LAMA3: variants seen among roughly 807,000 people sequenced by gnomAD.
LAMA3 encodes the protein laminin subunit alpha-3.
A neutral mutation model predicts 402.0 loss-of-function variants in LAMA3; 281 were observed. The ratio of observed to expected loss-of-function variants is 0.70; its 90% CI spans 0.63 to 0.77. LAMA3 has a LOEUF of 0.77. Ranked by LOEUF, LAMA3 falls within the 30% of genes least tolerant of loss-of-function variation. The pLI, the probability that LAMA3 is intolerant of heterozygous loss-of-function variation, is 0.00. For synonymous variants in LAMA3, 1,431 were observed against 1,558.4 expected, an observed-to-expected ratio of 0.92 and a Z score of 1.93; for missense variants, 3,840 against 4,215.5, an observed-to-expected ratio of 0.91 and a Z score of 2.47.
intron 2 of LAMA3, among the ~76,000 whole-genome samples, chr18:23,719,191 T>A (rs573234002): frequency 6.6e-6 from 1 of 152,278 alleles, no homozygotes; most frequent in South Asian, 2.1e-4. Context: ...GGGCCCAAAC[T>A]AAGACAGAAG....
At chr18:23,714,800 C>T (rs2061065294) in intron 2 of LAMA3, among the ~76,000 whole-genome samples, 1 of 152,140 alleles carries the variant, frequency 6.6e-6, no homozygotes, top group Non-Finnish European at 1.5e-5. Flanking sequence ...AAAACTGAAA[C>T]TCTGTTCCCA....
intron 23 of LAMA3, among the ~76,000 whole-genome samples, chr18:23,827,845 G>A (rs2063415198): frequency 6.6e-6 from 1 of 152,106 alleles, no homozygotes; most frequent in Non-Finnish European, 1.5e-5. Flanking sequence ...ACCCTAAAAG[G>A]ATACCACACT....
At chr18:23,884,508 T>C (rs2065007299) in intron 40 of LAMA3, among the ~76,000 whole-genome samples, 1 of 152,224 alleles carries the variant, frequency 6.6e-6, no homozygotes, top group Non-Finnish European at 1.5e-5. Flanking sequence ...TACTCTGCTC[T>C]GTCTTAAGGG....
intron 67 of LAMA3, among the ~76,000 whole-genome samples, chr18:23,938,083 T>C (rs1004603119): frequency 1.3e-5 from 2 of 152,266 alleles, no homozygotes. Flanking sequence ...GGCTCCATCC[T>C]GGGTGCTTCT....
intron 8 of LAMA3, among the ~76,000 whole-genome samples, 172 bp downstream of exon 8, chr18:23,763,695 T>C (rs1183204500): frequency 1.3e-5 from 2 of 152,176 alleles, no homozygotes; most frequent in African/African-American, 4.8e-5. Context: ...AATTTAGGGA[T>C]TGTAAGGAAA....
chr18:23,723,832 C>T (rs975091915), intron 2 of LAMA3, among the ~76,000 whole-genome samples: 3 of 152,174 alleles, frequency 2.0e-5, no homozygotes, highest in East Asian at 3.9e-4. Flanking sequence ...TAGTGCCTTA[C>T]ATGCTGTAAG....
At chr18:23,948,744 A>G (rs1047414382) in intron 70 of LAMA3, among the ~76,000 whole-genome samples, 1 of 151,708 alleles carries the variant, frequency 6.6e-6, no homozygotes, top group African/African-American at 2.4e-5. Context: ...TAATTTTTGT[A>G]TTTTTAGTAG....
intron 1 of LAMA3, among the ~76,000 whole-genome samples, chr18:23,697,201 G>T (rs958852951): frequency 7.9e-5 from 12 of 152,310 alleles, no homozygotes; most frequent in Non-Finnish European, 1.5e-4. Context: ...AATGATTTCT[G>T]AAGAGGAGGG....
Position 23,842,763 on chromosome 18 carries a change from C to T in LAMA3, c.3603+13C>T, listed in dbSNP as rs376640268. 7.2e-5 allele frequency: 116 copies of T among 1,613,990 alleles called. No individual in the cohort carries two copies. Among genetic ancestry groups the T allele is most frequent in the Non-Finnish European group, 8.6e-5 (101 of 1,179,990 alleles). On this transcript the variant is annotated intron_variant, in intron 29 of 74. Transcript: ENST00000313654. Reference sequence around the variant, plus strand: ...GTCCTTGGTTTTGGTGCGTTCCACTCGTTCCTCAACTTGCTCCTCACATGC... The same window carrying T: ...GTCCTTGGTTTTGGTGCGTTCCACTTGTTCCTCAACTTGCTCCTCACATGC...
At chr18:23,890,615 G>A (rs765019414) in intron 42 of LAMA3, among the ~76,000 whole-genome samples, 9 of 152,154 alleles carry the variant, frequency 5.9e-5, no homozygotes. Context: ...TTTATTAGGA[G>A]CAACTTGGAA....
chr18:23,944,652 G>A (rs1599166542), intron 69 of LAMA3, among the ~76,000 whole-genome samples: 1 of 152,214 alleles, frequency 6.6e-6, no homozygotes, highest in Admixed American at 6.5e-5. Context: ...AAGTTATGGG[G>A]AGGGGGTTCC....
At chr18:23,752,504 C>T (rs560311696) in intron 5 of LAMA3, among the ~76,000 whole-genome samples, 1 of 152,210 alleles carries the variant, frequency 6.6e-6, no homozygotes, top group Admixed American at 6.5e-5. Flanking sequence ...AATATAATAC[C>T]AGCTACCTTA....
At chr18:23,786,156 AT>A (rs1412737162) in intron 12 of LAMA3, among the ~76,000 whole-genome samples, 4 of 152,232 alleles carry the variant, frequency 2.6e-5, no homozygotes, top group Admixed American at 2.0e-4. Flanking sequence ...GAAAATTTGA[AT>A]CTAGGTAAGA....
At chr18:23,916,028 A>G (rs1330711292) in intron 59 of LAMA3, among the ~76,000 whole-genome samples, 6 of 118,848 alleles carry the variant, frequency 5.0e-5, no homozygotes, top group South Asian at 5.4e-4. Flanking sequence ...AAAAAAAAAA[A>G]AAAGAAAAGA....
intron 37 of LAMA3, among the ~76,000 whole-genome samples, chr18:23,869,987 C>T (rs1216500495): frequency 1.3e-5 from 2 of 151,070 alleles, no homozygotes; most frequent in East Asian, 1.9e-4. Context: ...ATGGCAAAAC[C>T]TCGTCTCTAC....
intron 12 of LAMA3, among the ~76,000 whole-genome samples, chr18:23,800,732 A>G (rs1647064814): frequency 6.6e-6 from 1 of 152,256 alleles, no homozygotes; most frequent in East Asian, 1.9e-4. Context: ...CTCTACTTCT[A>G]TGAACTCAAA....
At position 23,757,567 on chromosome 18, in the gene LAMA3, C is replaced by T. The variant is rs555361415; in HGVS notation, c.948-829C>T. The stretch of plus-strand genomic sequence containing the variant: ...GATAGTTCTGAGGCCTCAGGGGGCT[C>T]ATCCATCGAATCTTCTGTGGAGTGG... On this transcript the variant is annotated intron_variant, in intron 6 of 74. Transcript: ENST00000313654. Among the ~76,000 whole-genome samples the T allele has an allele frequency of 8.5e-5, 13 of 152,054 alleles. 1 individual carries two copies. Among genetic ancestry groups the T allele is most frequent in the South Asian group, 4.2e-4 (2 of 4,806 alleles).
intron 12 of LAMA3, among the ~76,000 whole-genome samples, chr18:23,804,306 T>C (rs1476778471): frequency 6.6e-6 from 1 of 152,176 alleles, no homozygotes; most frequent in Non-Finnish European, 1.5e-5. Context: ...ATCTGCTCAG[T>C]CATATGCTTT....
intron 72 of LAMA3, 31 bp from the exon 73 acceptor site, chr18:23,951,651 TGA>T: frequency 6.3e-7 from 1 of 1,585,810 alleles, no homozygotes; most frequent in Non-Finnish European, 8.7e-7. Context: ...CCTGCCTTCC[TGA>T]AGGAAATAGG....
Sources: allele counts gnomAD v4.1 joint callset (sites outside exome capture counted in the v4.1 genomes callset), GRCh38; gene constraint gnomAD v4.1.1; transcripts MANE v1.5; gene names NCBI Gene and HGNC (gene_info 2026-07-23, HGNC 2026-07-21).